The following UBE3D variants were observed in gnomAD, a reference collection of about 807,000 sequenced individuals.
UBE3D encodes the protein E3 ubiquitin-protein ligase E3D.
UBE3D carries 48 observed loss-of-function variants against 49.6 expected under a neutral mutation model. The ratio of observed to expected loss-of-function variants is 0.97; its 90% CI spans 0.77 to 1.23. The LOEUF (loss-of-function observed/expected upper bound fraction) is 1.23. Among genes scored for constraint, UBE3D ranks in the 50% most tolerant of loss-of-function variants. The pLI, the probability that UBE3D is intolerant of heterozygous loss-of-function variation, is 0.00. For synonymous variants in UBE3D, 189 were observed against 174.2 expected (o/e 1.08, Z -0.67); for missense variants, 452 against 468.4 (o/e 0.96, Z 0.32).
chr6:83,014,829 C>G (rs939435470), intron 8 of UBE3D, among the ~76,000 whole-genome samples: 7 of 152,154 alleles, frequency 4.6e-5, no homozygotes, highest in African/African-American at 1.4e-4. Flanking sequence ...TAAACTGGCT[C>G]AAGTCTGGAA....
In UBE3D at chr6:82,966,414, G is replaced by A. The variant is rs898375303; in HGVS notation, c.1011-8964C>T. Among the ~76,000 whole-genome samples the A allele has an allele frequency of 4.2e-5, 3 of 72,110 alleles. 1 individual carries two copies. The highest frequency in any genetic ancestry group is 8.6e-5 in the Non-Finnish European group (3 of 34,850). The allele number at this position is 72,110 out of a possible 152,430, so 47.3% of individuals were successfully genotyped here. ...GCCTGTAATCCCAGCACTTTGGGAGGCCGAGGCGGGCGGATCACGAGGTCA... is the reference window on the plus strand; with the variant it reads ...GCCTGTAATCCCAGCACTTTGGGAGACCGAGGCGGGCGGATCACGAGGTCA... On this transcript the variant is annotated intron_variant, in intron 8 of 9. Coordinates refer to ENST00000369747, the MANE Select transcript of UBE3D (RefSeq NM_198920.3).
At position 82,920,062 on chromosome 6, in the gene UBE3D, T is replaced by A. The variant is rs573782027; in HGVS notation, c.1150-27020A>T. Reference sequence around the variant, plus strand: ...AACATTATGCTTCAAATGGAAAAAATATATATAAATCATATTAAGAAACCA... The same window carrying A: ...AACATTATGCTTCAAATGGAAAAAAAATATATAAATCATATTAAGAAACCA... On this transcript the variant is annotated intron_variant, in intron 9 of 9. Coordinates refer to ENST00000369747, the MANE Select transcript of UBE3D (RefSeq NM_198920.3). Among the ~76,000 whole-genome samples, 7 of 152,278 alleles carry A rather than the reference T, an allele frequency of 4.6e-5. No individual in the cohort carries two copies. The East Asian group carries it at 1.3e-3, about 29-fold the overall frequency.
intron 8 of UBE3D, among the ~76,000 whole-genome samples, chr6:82,968,510 A>C (rs1777114573): frequency 6.6e-6 from 1 of 152,134 alleles, no homozygotes; most frequent in Non-Finnish European, 1.5e-5. Context: ...ATATTACAAT[A>C]ATGTCCTTGC....
intron 8 of UBE3D, among the ~76,000 whole-genome samples, chr6:82,976,658 ACTT>A (rs1777738094): frequency 6.6e-6 from 1 of 152,054 alleles, no homozygotes; most frequent in Non-Finnish European, 1.5e-5. Context: ...GTGGTTTTGT[ACTT>A]CCCCGCTTAG....
At chr6:83,051,516 C>T (rs115409530) in intron 3 of UBE3D, among the ~76,000 whole-genome samples, 2 of 152,202 alleles carry the variant, frequency 1.3e-5, no homozygotes, top group African/African-American at 4.8e-5. Flanking sequence ...CCCGGAAATA[C>T]TGTTACACTG....
At chr6:82,908,449 A>G (rs1314546745) in intron 9 of UBE3D, among the ~76,000 whole-genome samples, 1 of 152,120 alleles carries the variant, frequency 6.6e-6, no homozygotes, top group Non-Finnish European at 1.5e-5. Flanking sequence ...AATGTACACT[A>G]TTTGGGTGAC....
chr6:82,898,892 G>A (rs1039412423), intron 9 of UBE3D, among the ~76,000 whole-genome samples: 40 of 151,982 alleles, frequency 2.6e-4, no homozygotes, highest in Admixed American at 2.0e-3. Flanking sequence ...TCATTCAATC[G>A]TTAATTATCT....
chr6:83,047,652 CAT>C (rs1783157233), intron 3 of UBE3D, among the ~76,000 whole-genome samples: 1 of 152,188 alleles, frequency 6.6e-6, no homozygotes, highest in Non-Finnish European at 1.5e-5. Context: ...TGTGAGTCCA[CAT>C]GTTTAGTTAA....
chr6:82,886,152 C>T, the UBE3D span, among the ~76,000 whole-genome samples: 1,004 of 152,356 alleles, frequency 6.6e-3, 12 homozygotes, highest in East Asian at 0.034. Flanking sequence ...AATACAACCA[C>T]TGTGGCAAAA....
chr6:82,935,634 T>G (rs948602646), intron 9 of UBE3D, among the ~76,000 whole-genome samples: 7 of 152,076 alleles, frequency 4.6e-5, no homozygotes, highest in Non-Finnish European at 1.0e-4. Context: ...CTATAGTATA[T>G]CAAGCATGAA....
At chr6:83,058,988 G>A (rs945483477) in intron 1 of UBE3D, among the ~76,000 whole-genome samples, 2 of 152,146 alleles carry the variant, frequency 1.3e-5, no homozygotes, top group African/African-American at 4.8e-5. Context: ...TTATTTCTGT[G>A]AAAGACCAGA....
At chr6:82,887,075 G>T in the UBE3D span, among the ~76,000 whole-genome samples, 1 of 151,386 alleles carries the variant, frequency 6.6e-6, no homozygotes, top group African/African-American at 2.4e-5. Context: ...AGGCTAAGGC[G>T]GGTGGACCAC....
At chr6:82,966,457 C>T (rs1174959624) in intron 8 of UBE3D, among the ~76,000 whole-genome samples, 2 of 127,278 alleles carry the variant, frequency 1.6e-5, no homozygotes, top group East Asian at 2.1e-4. Context: ...GAGACCATCC[C>T]GGCTAAAACG....
At chr6:82,976,941 C>T (rs1043073153) in intron 8 of UBE3D, among the ~76,000 whole-genome samples, 3 of 151,612 alleles carry the variant, frequency 2.0e-5, no homozygotes, top group African/African-American at 7.3e-5. Flanking sequence ...GGTGAAACCC[C>T]GTCTCTACCA....
chr6:82,969,008 A>T (rs1005124459), intron 8 of UBE3D, among the ~76,000 whole-genome samples: 1 of 152,170 alleles, frequency 6.6e-6, no homozygotes, highest in Non-Finnish European at 1.5e-5. Context: ...AAAACATACA[A>T]TTATCGCAAT....
At chr6:82,975,717 T>TA (rs1480374707) in intron 8 of UBE3D, among the ~76,000 whole-genome samples, 2 of 152,176 alleles carry the variant, frequency 1.3e-5, no homozygotes, top group Admixed American at 6.5e-5. Flanking sequence ...AGATAATTTT[T>TA]AAAAAACTAA....
intron 8 of UBE3D, among the ~76,000 whole-genome samples, chr6:82,994,037 G>A (rs1369809930): frequency 6.6e-6 from 1 of 152,128 alleles, no homozygotes; most frequent in Middle Eastern, 3.2e-3. Context: ...AAAAATGATG[G>A]AAATAACACA....
At chr6:83,005,765 C>CA (rs921870017) in intron 8 of UBE3D, among the ~76,000 whole-genome samples, 4 of 151,906 alleles carry the variant, frequency 2.6e-5, no homozygotes, top group African/African-American at 9.7e-5. Flanking sequence ...AAAAGATAAA[C>CA]AAAATGTGAT....
intron 9 of UBE3D, among the ~76,000 whole-genome samples, chr6:82,947,103 AAAAATATATTTTATGTCAATGG>A (rs1454881740): frequency 9.2e-5 from 14 of 151,974 alleles, no homozygotes; most frequent in African/African-American, 2.9e-4. Context: ...AAAAAGATGG[AAAAATATATTTTATGTCAATGG>A]AAACCAAAAA....
Sources: gnomAD v4.1 joint callset for allele counts (sites outside exome capture counted in the v4.1 genomes callset) on GRCh38, gnomAD v4.1.1 for gene constraint, MANE v1.5 for transcripts, NCBI Gene and HGNC (gene_info 2026-07-23, HGNC 2026-07-21) for gene names.